The following TMC1 variants were observed in gnomAD, a reference collection of about 807,000 sequenced individuals.
The protein encoded by TMC1 is transmembrane channel like 1, also known as transmembrane channel-like protein 1.
Under a neutral mutation model 105.8 loss-of-function variants are expected in TMC1, and 84 were observed. The observed-to-expected ratio is 0.79, with a 90% CI of 0.67 to 0.95. The LOEUF is 0.95. TMC1 is among the 40% of genes least tolerant of loss of function. The probability of loss-of-function intolerance (pLI) is 0.00; values close to 1 mark genes in which losing one functional copy is unlikely to be tolerated. For missense variants in TMC1, 817 were observed against 914.1 expected (o/e 0.89, Z 1.37); for synonymous variants, 315 against 311.5 (o/e 1.01, Z -0.12).
chr9:72,561,195 C>T (rs1444448637), intron 1 of TMC1, among the ~76,000 whole-genome samples: 3 of 151,730 alleles, frequency 2.0e-5, no homozygotes, highest in Non-Finnish European at 4.4e-5. Flanking sequence ...GTGGTGGGCA[C>T]CTGTAGTCCC....
intron 6 of TMC1, among the ~76,000 whole-genome samples, chr9:72,693,600 A>G (rs112742564): frequency 1.3e-5 from 2 of 152,298 alleles, no homozygotes; most frequent in African/African-American, 4.8e-5. Flanking sequence ...CCATTGAAAT[A>G]TAATTTTTTC....
At chr9:72,653,059 T>G (rs945594023) in intron 5 of TMC1, among the ~76,000 whole-genome samples, 3 of 152,226 alleles carry the variant, frequency 2.0e-5, no homozygotes, top group African/African-American at 7.2e-5. Context: ...ATAATTTATA[T>G]ATCAATGTGT....
intron 21 of TMC1, among the ~76,000 whole-genome samples, chr9:72,827,271 C>A (rs1341149271): frequency 6.6e-6 from 1 of 152,178 alleles, no homozygotes; most frequent in Admixed American, 6.5e-5. Context: ...ACAGCTAAAG[C>A]AAGGGAAACA....
intron 14 of TMC1, 69 bp from the exon 15 acceptor site, chr9:72,789,054 T>C (rs1461144440): frequency 1.3e-6 from 2 of 1,483,516 alleles, no homozygotes; most frequent in Non-Finnish European, 1.9e-6. Flanking sequence ...GAGGTTTTGA[T>C]ACTTTTAAAA....
chr9:72,582,203 C>T (rs1419007913), intron 2 of TMC1, among the ~76,000 whole-genome samples: 2 of 152,158 alleles, frequency 1.3e-5, no homozygotes, highest in East Asian at 1.9e-4. Flanking sequence ...GTGATCCACC[C>T]GCCTCAGTCT....
chr9:72,624,936 AC>A (rs1024687614), intron 3 of TMC1, among the ~76,000 whole-genome samples: 7 of 152,256 alleles, frequency 4.6e-5, no homozygotes, highest in African/African-American at 1.7e-4. Context: ...AGGAAAAGGT[AC>A]AAAAACAGGA....
chr9:72,706,797 T>C (rs1460862149), intron 8 of TMC1, among the ~76,000 whole-genome samples: 1 of 149,974 alleles, frequency 6.7e-6, no homozygotes, highest in African/African-American at 2.4e-5. Context: ...TTTTTTGAGA[T>C]GGGATCTTGC....
chr9:72,626,022 G>A (rs371915016), intron 3 of TMC1, among the ~76,000 whole-genome samples: 1 of 152,132 alleles, frequency 6.6e-6, no homozygotes. Flanking sequence ...TGGCTACCAT[G>A]AGGCCACTGC....
intron 2 of TMC1, among the ~76,000 whole-genome samples, chr9:72,593,494 G>T (rs1340869594): frequency 2.6e-5 from 4 of 151,978 alleles, no homozygotes; most frequent in Non-Finnish European, 5.9e-5. Flanking sequence ...CCGGGTTCAA[G>T]AAATTCTCCT....
intron 1 of TMC1, among the ~76,000 whole-genome samples, chr9:72,522,442 C>T (rs2132050941): frequency 6.6e-6 from 1 of 152,234 alleles, no homozygotes; most frequent in East Asian, 1.9e-4. Flanking sequence ...GCAATGATTT[C>T]CTAAAATAAA....
intron 1 of TMC1, among the ~76,000 whole-genome samples, chr9:72,576,154 C>A (rs1442290168): frequency 6.6e-6 from 1 of 152,204 alleles, no homozygotes; most frequent in Non-Finnish European, 1.5e-5. Flanking sequence ...GAAATCAACT[C>A]TAGAAAACAG....
chr9:72,614,851 T>C (rs1179246107), intron 2 of TMC1, among the ~76,000 whole-genome samples: 3 of 152,098 alleles, frequency 2.0e-5, no homozygotes, highest in African/African-American at 7.2e-5. Context: ...GGCTAATTTT[T>C]TGTATTTTAG....
chr9:72,627,535 T>C (rs1468566742), intron 3 of TMC1, among the ~76,000 whole-genome samples: 4 of 152,220 alleles, frequency 2.6e-5, no homozygotes, highest in Non-Finnish European at 4.4e-5. Flanking sequence ...CATTACTTGC[T>C]TGTGGTTTCC....
At chr9:72,751,580 C>T (rs889574409) in intron 10 of TMC1, among the ~76,000 whole-genome samples, 3 of 152,204 alleles carry the variant, frequency 2.0e-5, no homozygotes, top group Non-Finnish European at 2.9e-5. Flanking sequence ...GCAGCTTTCC[C>T]TTGGATGGAC....
At chr9:72,675,106 C>T (rs1826183091) in intron 5 of TMC1, among the ~76,000 whole-genome samples, 1 of 152,132 alleles carries the variant, frequency 6.6e-6, no homozygotes, top group African/African-American at 2.4e-5. Flanking sequence ...CACACATATG[C>T]ACACATACAC....
rs559971289 is a variant in TMC1, at chr9:72,607,545, G to A, written c.-305-8823G>A. ...GAGGCAGAATGGTGTGAACCCAGGAGGTGGAGCTTGCAGTGAGCCGAGATC... is the reference window on the plus strand; with the variant it reads ...GAGGCAGAATGGTGTGAACCCAGGAAGTGGAGCTTGCAGTGAGCCGAGATC... On this transcript the variant is annotated intron_variant, in intron 2 of 23. Coordinates refer to ENST00000297784, the MANE Select transcript of TMC1 (RefSeq NM_138691.3). 1.6e-4 allele frequency among the ~76,000 whole-genome samples: 24 copies of A among 151,674 alleles called. 2 individuals are homozygous for A. In the East Asian group the frequency reaches 4.7e-3, roughly 30 times the overall value.
chr9:72,529,551 ATGTGTGTGTGTT>A lies in TMC1; in HGVS notation c.-428+7649_-428+7660del, dbSNP rs550585283. On this transcript the variant is annotated intron_variant, in intron 1 of 23. Coordinates refer to ENST00000297784, the MANE Select transcript of TMC1 (RefSeq NM_138691.3). Reference sequence around the variant, plus strand: ...ATATGTGTTTAGGAAATGTGTATATATGTGTGTGTGTTTGTGTGTGTGGATACTGTATTAGTT... The same window carrying A: ...ATATGTGTTTAGGAAATGTGTATATATGTGTGTGTGGATACTGTATTAGTT... Among the ~76,000 whole-genome samples, 249 of 152,240 alleles carry A rather than the reference ATGTGTGTGTGTT, an allele frequency of 1.6e-3. 1 individual carries two copies. Among genetic ancestry groups the A allele is most frequent in the African/African-American group, 5.8e-3 (241 of 41,534 alleles).
In TMC1 at chr9:72,648,652, T is replaced by C. The variant is rs2132150068; in HGVS notation, c.4T>C (p.Ser2Pro). Residue 2 changes from serine to proline, a missense_variant, in exon 5 of 24, where the codon TCA becomes CCA. Ser to Pro is a moderately conservative substitution (Grantham distance 74). Coordinates refer to ENST00000297784, the MANE Select transcript of TMC1 (RefSeq NM_138691.3). M[S>P]PKKVQIKVEE... ...CTTCTGACAGGACACCCCCAGGATG[T>C]CACCCAAAAAAGGTATTTACAAAAT... 1 of 1,613,246 alleles carries C rather than the reference T, an allele frequency of 6.2e-7. No homozygotes were observed. Among genetic ancestry groups the C allele is most frequent in the Non-Finnish European group, 8.5e-7 (1 of 1,179,298 alleles).
intron 5 of TMC1, among the ~76,000 whole-genome samples, chr9:72,664,693 T>A (rs1033409546): frequency 1.3e-5 from 2 of 152,068 alleles, no homozygotes; most frequent in Non-Finnish European, 2.9e-5. Context: ...CATCTCTCAC[T>A]CCATCCCCTT....
Sources: allele counts gnomAD v4.1 joint callset (sites outside exome capture counted in the v4.1 genomes callset), GRCh38; gene constraint gnomAD v4.1.1; transcripts MANE v1.5; gene names NCBI Gene and HGNC (gene_info 2026-07-23, HGNC 2026-07-21).